The following PRSS53 variants were observed in gnomAD, a reference collection of about 807,000 sequenced individuals.
The protein encoded by PRSS53 is serine protease 53, also known as EDTP308.
A neutral mutation model predicts 62.7 loss-of-function variants in PRSS53; 54 were observed. That is an observed-to-expected ratio of 0.86 (90% CI 0.69 to 1.08). The LOEUF is 1.08. PRSS53 is among the 50% of genes least tolerant of loss of function. PRSS53 has a pLI of 0.00. For missense variants in PRSS53, 688 were observed against 728.3 expected, an observed-to-expected ratio of 0.94 and a Z score of 0.64; for synonymous variants, 273 against 300.0, an observed-to-expected ratio of 0.91 and a Z score of 0.93.
chr16:31,085,409 TGTAAC>T, intron 6 of PRSS53, 149 bp from the exon 7 acceptor site: 1 of 992,916 alleles, frequency 1.0e-6, no homozygotes, highest in Non-Finnish European at 1.4e-6. Flanking sequence ...TTCCTTGCTC[TGTAAC>T]TACAGGCAAG....
At chr16:31,086,214 T>G (rs776741784) in intron 5 of PRSS53, 31 bp from the exon 6 acceptor site, 5 of 1,600,396 alleles carry the variant, frequency 3.1e-6, no homozygotes, top group Non-Finnish European at 3.4e-6. Context: ...CAAGGACAGA[T>G]GCCTGAGCCC....
rs754650057 is a variant in PRSS53 at position 31,086,289 on chromosome 16, C to G, written c.663+48G>C. On this transcript the variant is annotated intron_variant, in intron 5 of 10. Coordinates refer to ENST00000280606, the Ensembl canonical transcript of PRSS53. ...AGTCCTGTGAGTCCAACCCCCAGCCCAGGGTTAGGCCCCTCCCCTTCTGCT... is the reference window on the plus strand; with the variant it reads ...AGTCCTGTGAGTCCAACCCCCAGCCGAGGGTTAGGCCCCTCCCCTTCTGCT... 3.7e-5 allele frequency: 59 copies of G among 1,585,808 alleles called. No individual in the cohort carries two copies. The Admixed American group carries it at 4.2e-4, about 11-fold the overall frequency.
chr16:31,088,091 C>T, intron 1 of PRSS53: 2 of 1,392,586 alleles, frequency 1.4e-6, no homozygotes, highest in South Asian at 1.5e-5. Context: ...GTAGGCCAGC[C>T]CTCCTCCAGG....
At position 31,084,787 on chromosome 16, in the gene PRSS53, TG is replaced by T. The variant is rs2143868281; in HGVS notation, c.1271del (p.Pro424GlnfsTer13). The T allele has an allele frequency of 6.4e-7, 1 of 1,553,478 alleles. No homozygotes were observed. The highest frequency in any genetic ancestry group is 1.2e-5 in the South Asian group (1 of 83,520). On this transcript the variant is annotated frameshift_variant, in exon 8 of 11. Transcript: ENST00000280606. LOFTEE classifies it high-confidence loss of function. Reference sequence around the variant, plus strand: ...GGCCCTGTGCCCACCTACCTGCTCCTGGGCGGGCCCGTCCCAGAACCCAGCC... The same window carrying T: ...GGCCCTGTGCCCACCTACCTGCTCCTGGCGGGCCCGTCCCAGAACCCAGCC...
exon 11 of PRSS53, chr16:31,083,453 T>G (rs895058925): frequency 4.0e-5 from 52 of 1,305,162 alleles, no homozygotes; most frequent in Non-Finnish European, 4.8e-5. Context: ...TTGTAACAAT[T>G]TATTTAAGTT....
chr16:31,085,218 G>C, exon 7 of PRSS53: 1 of 1,602,174 alleles, frequency 6.2e-7, no homozygotes, highest in Non-Finnish European at 8.5e-7. Flanking sequence ...CCATGGGGAG[G>C]GTGCTCCTGC....
intron 10 of PRSS53, 140 bp downstream of exon 10, chr16:31,083,979 C>G (rs1198292063): frequency 2.0e-6 from 3 of 1,500,022 alleles, no homozygotes; most frequent in Non-Finnish European, 1.8e-6. Context: ...TGACAAAGAA[C>G]CAGAATCTGA....
At chr16:31,086,481 G>A in exon 5 of PRSS53, 1 of 1,612,120 alleles carries the variant, frequency 6.2e-7, no homozygotes, top group South Asian at 1.1e-5. Flanking sequence ...GATTGCGTAG[G>A]GTCCCAGGAG....
chr16:31,083,893 G>C, intron 10 of PRSS53, 84 bp from the exon 11 acceptor site: 1 of 1,602,972 alleles, frequency 6.2e-7, no homozygotes. Context: ...GAAGGAACAG[G>C]GTCTGTCTTG....
rs1386009208 is a variant in PRSS53 at position 31,085,863 on chromosome 16, A to C, written c.883+101T>G. On this transcript the variant is annotated intron_variant, in intron 6 of 10. Transcript: ENST00000280606. ...ATCCCAGGGGGTGAAAGAGCCCCCTAATTAGGCTCGGCGGTGTGGATGCCT... is the reference window on the plus strand; with the variant it reads ...ATCCCAGGGGGTGAAAGAGCCCCCTCATTAGGCTCGGCGGTGTGGATGCCT... The C allele has an allele frequency of 2.8e-6, 3 of 1,085,994 alleles. No individual in the cohort carries two copies. In the East Asian group the frequency reaches 7.2e-5, roughly 26 times the overall value. 67.3% of individuals were successfully genotyped at this position (1,085,994 alleles called of 1,614,324 possible). A position where few individuals can be genotyped will look rare whatever the true frequency, so the allele number is the denominator to read the frequency against.
exon 7 of PRSS53, chr16:31,085,228 C>A: frequency 6.3e-7 from 1 of 1,595,388 alleles, no homozygotes; most frequent in Non-Finnish European, 8.5e-7. Flanking sequence ...GGTGCTCCTG[C>A]CTGGGGACCT....
exon 5 of PRSS53, chr16:31,086,386 G>T: frequency 6.2e-7 from 1 of 1,614,060 alleles, no homozygotes; most frequent in Non-Finnish European, 8.5e-7. Flanking sequence ...TAGCATCCCA[G>T]GCCGGGCCGG....
exon 11 of PRSS53, chr16:31,083,484 C>A (rs971109945): frequency 4.8e-5 from 64 of 1,326,578 alleles, no homozygotes; most frequent in Non-Finnish European, 5.9e-5. Context: ...AAAACTGCTG[C>A]CCCCCAAAAA....
chr16:31,086,617 C>T lies in PRSS53; in HGVS notation c.508+16G>A. ...GCAGAGTGCCTCTCCGAGCTTCAGT[C>T]TGGGCCAGCACTTACCATCACTGGT... On this transcript the variant is annotated intron_variant, in intron 4 of 10. Transcript: ENST00000280606. The T allele has an allele frequency of 1.9e-6, 3 of 1,542,720 alleles. No homozygotes were observed. The highest frequency in any genetic ancestry group is 2.6e-6 in the Non-Finnish European group (3 of 1,140,842).
At chr16:31,088,367 G>C in intron 1 of PRSS53, 2 of 1,130,904 alleles carry the variant, frequency 1.8e-6, no homozygotes, top group Non-Finnish European at 2.2e-6. Flanking sequence ...CAGGCACACA[G>C]GCACCCCATG....
chr16:31,086,615 G>C lies in PRSS53; in HGVS notation c.508+18C>G, dbSNP rs2057236586. 1 of 1,542,036 alleles carries C rather than the reference G, an allele frequency of 6.5e-7. No homozygotes were observed. The highest frequency in any genetic ancestry group is 8.8e-7 in the Non-Finnish European group (1 of 1,140,486). ...AAGCAGAGTGCCTCTCCGAGCTTCA[G>C]TCTGGGCCAGCACTTACCATCACTG... is the stretch of plus-strand genomic sequence containing the variant. On this transcript the variant is annotated intron_variant, in intron 4 of 10. Coordinates refer to ENST00000280606, the Ensembl canonical transcript of PRSS53.
exon 11 of PRSS53, chr16:31,083,800 G>T (rs746243018): frequency 6.2e-7 from 1 of 1,614,102 alleles, no homozygotes; most frequent in East Asian, 2.2e-5. Context: ...TCAGCAGCTG[G>T]TTGGTTGGCC....
chr16:31,085,379 T>C (rs2057221784), intron 6 of PRSS53, 119 bp from the exon 7 acceptor site: 1 of 1,233,592 alleles, frequency 8.1e-7, no homozygotes, highest in African/African-American at 1.5e-5. Flanking sequence ...GTAACCAAAG[T>C]TCCAGAGAGG....
chr16:31,088,813 G>A (rs1596792151), exon 1 of PRSS53: 2 of 1,613,602 alleles, frequency 1.2e-6, no homozygotes, highest in East Asian at 2.2e-5. Context: ...ACTTCATGCT[G>A]CCCCGGGCCA....
Sources: gnomAD v4.1 joint callset for allele counts on GRCh38, gnomAD v4.1.1 for gene constraint, MANE v1.5 for transcripts, NCBI Gene and HGNC (gene_info 2026-07-23, HGNC 2026-07-21) for gene names.